Variants in SPATA7 observed in about 807,000 individuals in gnomAD.
SPATA7 encodes the protein spermatogenesis associated 7, also known as spermatogenesis-associated protein 7.
Under a neutral mutation model 51.8 loss-of-function variants are expected in SPATA7, and 43 were observed. The ratio of observed to expected loss-of-function variants is 0.83; its 90% CI spans 0.65 to 1.07. The LOEUF is 1.07. Ranked by LOEUF, SPATA7 falls within the 50% of genes least tolerant of loss-of-function variation. SPATA7 has a pLI of 0.00. For synonymous variants in SPATA7, 230 were observed against 252.8 expected (o/e 0.91, Z 0.86); for missense variants, 683 against 701.3 (o/e 0.97, Z 0.30).
intron 8 of SPATA7, among the ~76,000 whole-genome samples, chr14:88,429,712 A>G (rs1206986518): frequency 1.3e-5 from 2 of 152,092 alleles, no homozygotes; most frequent in African/African-American, 4.8e-5. Context: ...TGTATTATTT[A>G]TTATCACTGT....
intron 3 of SPATA7, among the ~76,000 whole-genome samples, chr14:88,444,961 G>A (rs1309954781): frequency 6.6e-5 from 10 of 152,248 alleles, no homozygotes; most frequent in Middle Eastern, 3.4e-3. Flanking sequence ...TTGACTTGGC[G>A]ATGCAGGCTC....
chr14:88,456,496 G>C (rs1278551033), downstream of SPATA7, among the ~76,000 whole-genome samples: 1 of 152,072 alleles, frequency 6.6e-6, no homozygotes, highest in Non-Finnish European at 1.5e-5. Context: ...ATTTTTTCAT[G>C]TGTCTTTTGG....
intron 3 of SPATA7, among the ~76,000 whole-genome samples, chr14:88,445,077 G>C (rs562045092): frequency 1.3e-5 from 2 of 151,952 alleles, no homozygotes; most frequent in African/African-American, 4.8e-5. Context: ...ACCTTGGGCA[G>C]TATGGCCATT....
intron 4 of SPATA7, chr14:88,466,605 T>C (rs2077367390): frequency 6.6e-6 from 1 of 152,222 alleles, no homozygotes; most frequent in African/African-American, 2.4e-5. Flanking sequence ...CTCAGCTAAA[T>C]ATCCCACTCA....
chr14:88,446,216 G>A (rs930536321), intron 3 of SPATA7, among the ~76,000 whole-genome samples: 6 of 152,094 alleles, frequency 3.9e-5, no homozygotes, highest in Non-Finnish European at 7.3e-5. Flanking sequence ...TCTTGGGAGG[G>A]TGTATGTGTC....
At chr14:88,429,492 A>C in intron 8 of SPATA7, 29 bp downstream of exon 8, 13 of 1,420,868 alleles carry the variant, frequency 9.1e-6, no homozygotes, top group Non-Finnish European at 1.1e-5. Flanking sequence ...AAATAATTTC[A>C]ACTGTCTTTA....
rs1188238684 is a variant in SPATA7 at position 88,438,370 on chromosome 14, C to T, written c.1748C>T (p.Ser583Leu). Residue 583 changes from serine (S) to leucine (L), a missense_variant, in exon 12 of 12, where the codon TCA (serine) becomes TTA (leucine). Physicochemically the swap from Ser to Leu is moderately radical, Grantham distance 145. Coordinates refer to ENST00000393545, the MANE Select transcript of SPATA7 (RefSeq NM_018418.5). ...KGDNNHDMEL[S>L]TLKIMEMSIE... ...GACAATAATCATGACATGGAGTTATCAACTCTTAAAATCATGGAAATGAGC... is the reference window on the plus strand; with the variant it reads ...GACAATAATCATGACATGGAGTTATTAACTCTTAAAATCATGGAAATGAGC... The T allele has an allele frequency of 6.2e-7, 1 of 1,614,014 alleles. No individual in the cohort carries two copies. The highest frequency in any genetic ancestry group is 2.2e-5 in the East Asian group (1 of 44,856).
At chr14:88,430,446 A>G (rs1029793529) in intron 8 of SPATA7, among the ~76,000 whole-genome samples, 1 of 152,230 alleles carries the variant, frequency 6.6e-6, no homozygotes, top group Non-Finnish European at 1.5e-5. Flanking sequence ...ACTTTCTAAA[A>G]GAAGTAAAGT....
chr14:88,397,075 A>C (rs2075904669), intron 4 of SPATA7, among the ~76,000 whole-genome samples: 1 of 152,002 alleles, frequency 6.6e-6, no homozygotes, highest in African/African-American at 2.4e-5. Context: ...TTTTACATAG[A>C]GACAGGGTTT....
Position 88,469,839 on chromosome 14 carries a change from CT to C in SPATA7, c.255-7del. 6.2e-7 allele frequency: 1 copy of C among 1,605,950 alleles called. No homozygotes were observed. The highest frequency in any genetic ancestry group is 8.5e-7 in the Non-Finnish European group (1 of 1,172,822). On this transcript the variant is annotated splice_region_variant and splice_polypyrimidine_tract_variant and intron_variant, in intron 4 of 4. Transcript: ENST00000556406. This position sits in a 1 kb window ranked among gnomAD's most constrained non-coding sequence, Gnocchi z 4.3. The stretch of plus-strand genomic sequence containing the variant: ...AACCACAACCCTACCCTGCCTTTTT[CT>C]CCACAGGTCAGGATTCCAGATGATT...
At chr14:88,420,980 G>A (rs1446435120) in intron 5 of SPATA7, among the ~76,000 whole-genome samples, 1 of 151,988 alleles carries the variant, frequency 6.6e-6, no homozygotes, top group Non-Finnish European at 1.5e-5. Flanking sequence ...AGCCAGGAGT[G>A]GTGGTGCGCA....
chr14:88,391,397 C>T lies in SPATA7; in HGVS notation c.36C>T (p.Val12=), dbSNP rs770383492. 1.9e-6 allele frequency: 3 copies of T among 1,613,050 alleles called. No homozygotes were observed. Among genetic ancestry groups the T allele is most frequent in the African/African-American group, 1.3e-5 (1 of 74,920 alleles). The change falls in exon 2 of 12, where the codon GTC becomes GTT. Residue 12 remains valine (V), a synonymous_variant. Transcript: ENST00000393545. ...DGSRRVRATS[V]LPRYGPPCLF... ...TGTTAAAAGTCAGAGCAACCTCTGT[C>T]CTTCCCAGATATGGTCCACCGTGCC...
downstream of SPATA7, among the ~76,000 whole-genome samples, chr14:88,457,974 A>T (rs1362700736): frequency 6.6e-6 from 1 of 152,110 alleles, no homozygotes; most frequent in East Asian, 1.9e-4. Flanking sequence ...TTCTGCATCT[A>T]TTGAGATAAT....
downstream of SPATA7, among the ~76,000 whole-genome samples, chr14:88,457,997 G>T (rs1438674390): frequency 6.6e-6 from 1 of 152,034 alleles, no homozygotes; most frequent in Non-Finnish European, 1.5e-5. Flanking sequence ...TGTGGTTTTT[G>T]TCTTTGGTTC....
At chr14:88,431,718 C>T (rs1025423713) in intron 9 of SPATA7, among the ~76,000 whole-genome samples, 1 of 152,152 alleles carries the variant, frequency 6.6e-6, no homozygotes, top group South Asian at 2.1e-4. Context: ...CGATGTTTAA[C>T]TTTCTGTTGC....
intron 4 of SPATA7, among the ~76,000 whole-genome samples, chr14:88,404,646 G>T (rs919526796): frequency 6.6e-6 from 1 of 152,146 alleles, no homozygotes; most frequent in Non-Finnish European, 1.5e-5. Context: ...GAACCCGGGA[G>T]GGGGAGGTTG....
intron 3 of SPATA7, among the ~76,000 whole-genome samples, chr14:88,451,105 A>G (rs911521582): frequency 4.6e-5 from 7 of 152,066 alleles, no homozygotes; most frequent in African/African-American, 9.7e-5. Context: ...AGACCTTCCA[A>G]TGCATTTTGC....
chr14:88,426,802 G>C, intron 6 of SPATA7, 98 bp downstream of exon 6: 1 of 1,072,634 alleles, frequency 9.3e-7, no homozygotes, highest in South Asian at 1.4e-5. Flanking sequence ...CTTAAGATCT[G>C]ATAGTGCCCT....
At chr14:88,403,535 A>AC (rs1052996666) in intron 4 of SPATA7, among the ~76,000 whole-genome samples, 10 of 152,296 alleles carry the variant, frequency 6.6e-5, no homozygotes, top group South Asian at 2.1e-4. Flanking sequence ...TGCAAAACCC[A>AC]CACCACATAG....
Sources: gnomAD v4.1 joint callset for allele counts (sites outside exome capture counted in the v4.1 genomes callset) on GRCh38, gnomAD v4.1.1 for gene constraint, Gnocchi (gnomAD v3.1) non-coding constraint, MANE v1.5 for transcripts, NCBI Gene and HGNC (gene_info 2026-07-23, HGNC 2026-07-21) for gene names.